Variants in CSRP3 observed in about 807,000 individuals in gnomAD.
CSRP3 encodes cysteine and glycine rich protein 3.
CSRP3 carries 24 observed loss-of-function variants against 24.3 expected under a neutral mutation model. The observed-to-expected ratio is 0.99, with a 90% confidence interval of 0.71 to 1.39. The LOEUF is 1.39. Among genes scored for constraint, CSRP3 ranks in the 40% most tolerant of loss-of-function variants. The pLI, the probability that CSRP3 is intolerant of heterozygous loss-of-function variation, is 0.00. For synonymous variants in CSRP3, 105 were observed against 94.0 expected (o/e 1.12, Z -0.68); for missense variants, 240 against 249.0 (o/e 0.96, Z 0.24).
At chr11:19,191,866 G>A (rs113958582) in intron 2 of CSRP3, among the ~76,000 whole-genome samples, 1 of 152,246 alleles carries the variant, frequency 6.6e-6, no homozygotes, top group African/African-American at 2.4e-5. Context: ...TACAGAGTTG[G>A]CATGTGTTGC....
chr11:19,186,222 A>T lies in CSRP3; in HGVS notation c.408T>A (p.Gly136=), dbSNP rs775072134. ...CTCATACAGAAGGTCTTACCTTGCC[A>T]CCTCCCATAACCTTCTCAGCAGCAT... ...SVYAAEKVMG[G]GKPWHKTCFR... is the part of the protein sequence containing the mutation. Residue 136 remains glycine (G), a synonymous_variant, in exon 4 of 6, where the codon GGT becomes GGA. Transcript: ENST00000265968. 1 of 1,613,986 alleles carries T rather than the reference A, an allele frequency of 6.2e-7. No individual in the cohort carries two copies. Among genetic ancestry groups the T allele is most frequent in the Non-Finnish European group, 8.5e-7 (1 of 1,179,992 alleles).
rs111717102 is a variant in CSRP3, at chr11:19,186,439, G to A, written c.282-91C>T. The A allele has an allele frequency of 1.8e-4, 258 of 1,461,632 alleles. No homozygotes were observed. In the Middle Eastern group the frequency reaches 2.3e-3, roughly 13 times the overall value. 90.5% of individuals were successfully genotyped at this position (1,461,632 alleles called of 1,614,324 possible). A position where few individuals can be genotyped will look rare whatever the true frequency, so the allele number is the denominator to read the frequency against. On this transcript the variant is annotated intron_variant, in intron 3 of 5. Coordinates refer to ENST00000265968, the MANE Select transcript of CSRP3 (RefSeq NM_003476.5). Reference sequence around the variant, plus strand: ...GCCTTGAGAAAGTGACCTCACTTCCGTGTGTCTCAGACTCCTCATCTGGAA... The same window carrying A: ...GCCTTGAGAAAGTGACCTCACTTCCATGTGTCTCAGACTCCTCATCTGGAA...
At chr11:19,192,818 A>G (rs1850638421) in intron 1 of CSRP3, among the ~76,000 whole-genome samples, 1 of 151,686 alleles carries the variant, frequency 6.6e-6, no homozygotes, top group African/African-American at 2.4e-5. Flanking sequence ...TTTTCATCTC[A>G]AGTTTAAAAA....
In CSRP3 at chr11:19,182,719, G is replaced by A. The variant is rs142019584; in HGVS notation, c.536C>T (p.Thr179Met). The A allele has an allele frequency of 2.3e-5, 37 of 1,614,090 alleles. No homozygotes were observed. Among genetic ancestry groups the A allele is most frequent in the African/African-American group, 1.3e-4 (10 of 75,016 alleles). Residue 179 changes from threonine to methionine, a missense_variant, in exon 6 of 6, where the codon ACG (threonine) becomes ATG (methionine). By Grantham distance (81) the Thr-to-Met change is moderately conservative (BLOSUM62 -1). Transcript: ENST00000265968. Reference sequence around the variant, plus strand: ...TGTAAGGCCTCCAAACCCAATACCCGTGGGGCCAAAATTTTTGGCATAGCA... The same window carrying A: ...TGTAAGGCCTCCAAACCCAATACCCATGGGGCCAAAATTTTTGGCATAGCA... The part of the protein sequence containing the change: ...KVCYAKNFGP[T>M]GIGFGGLTQQ...
Position 19,188,281 on chromosome 11 carries a change from T to G in CSRP3, c.136A>C (p.Ser46Arg), listed in dbSNP as rs137852765. The G allele has an allele frequency of 2.1e-5, 34 of 1,612,516 alleles. No homozygotes were observed. The highest frequency in any genetic ancestry group is 2.7e-5 in the Non-Finnish European group (32 of 1,180,040). The change falls in exon 3 of 6, where the codon AGC becomes CGC. Residue 46 changes from serine to arginine, a missense_variant. Ser to Arg is a moderately radical substitution (Grantham distance 110). Transcript: ENST00000265968. ...HCMACRKALD[S>R]TTVAAHESEI... ...GACTCATGAGCCGCGACTGTCGTGC[T>G]GTCAAGAGCCTTCCTGCAGGCCACT...
Position 19,188,175 on chromosome 11 carries a change from C to G in CSRP3, c.242G>C (p.Ser81Thr). Reference sequence around the variant, plus strand: ...GCCGAGATGCTCGCCCGTGTCTGTGCTGAGACAGCCAGCGCCTTGTCCATA... The same window carrying G: ...GCCGAGATGCTCGCCCGTGTCTGTGGTGAGACAGCCAGCGCCTTGTCCATA... ...IGYGQGAGCL[S>T]TDTGEHLGLQ... The change falls in exon 3 of 6, where the codon AGC becomes ACC. Residue 81 changes from serine to threonine, a missense_variant. By Grantham distance (58) the Ser-to-Thr change is moderately conservative. Coordinates refer to ENST00000265968, the MANE Select transcript of CSRP3 (RefSeq NM_003476.5). The G allele has an allele frequency of 6.2e-7, 1 of 1,614,114 alleles. No individual in the cohort carries two copies. The highest frequency in any genetic ancestry group is 8.5e-7 in the Non-Finnish European group (1 of 1,180,042).
intron 1 of CSRP3, among the ~76,000 whole-genome samples, chr11:19,201,402 A>G (rs1850838827): frequency 6.6e-6 from 1 of 152,248 alleles, no homozygotes; most frequent in South Asian, 2.1e-4. Flanking sequence ...TTCCAGGTAA[A>G]TTGAGCATGG....
intron 2 of CSRP3, among the ~76,000 whole-genome samples, chr11:19,190,395 C>T (rs575620289): frequency 1.9e-4 from 29 of 152,286 alleles, no homozygotes; most frequent in Non-Finnish European, 3.7e-4. Flanking sequence ...TCAGTACAAA[C>T]GCAAAAATCA....
intron 5 of CSRP3, among the ~76,000 whole-genome samples, chr11:19,183,082 C>T (rs565636449): frequency 9.2e-5 from 14 of 151,966 alleles, no homozygotes; most frequent in South Asian, 2.1e-4. Context: ...TGCTTGAGCC[C>T]GGGAGGCTGA....
At chr11:19,188,413 G>A (rs1850564804) in intron 2 of CSRP3, 109 bp from the exon 3 acceptor site, 1 of 1,091,548 alleles carries the variant, frequency 9.2e-7, no homozygotes, top group Non-Finnish European at 1.4e-6. Flanking sequence ...GGGCCCCTGA[G>A]CCAAGAATAC....
At chr11:19,198,904 A>G (rs1850788122) in intron 1 of CSRP3, among the ~76,000 whole-genome samples, 1 of 152,248 alleles carries the variant, frequency 6.6e-6, no homozygotes, top group Admixed American at 6.5e-5. Context: ...CTAAGACACC[A>G]TATAGAATTA....
chr11:19,195,082 G>C (rs1314354156), intron 1 of CSRP3, among the ~76,000 whole-genome samples: 6 of 151,984 alleles, frequency 3.9e-5, no homozygotes, highest in African/African-American at 1.4e-4. Context: ...GCAGTGAACT[G>C]TTGGAGGGTC....
At position 19,192,881 on chromosome 11, in the gene CSRP3, C is replaced by T. The variant is rs139735224; in HGVS notation, c.-28-405G>A. ...TGTGAAGATGGTATTTTCTTCTTGT[C>T]TAGCTAAGAGCTTCTCAAATCACCT... On this transcript the variant is annotated intron_variant, in intron 1 of 5. Transcript: ENST00000265968. Among the ~76,000 whole-genome samples, 939 of 152,024 alleles carry T rather than the reference C, an allele frequency of 6.2e-3. 5 individuals carry two copies. The highest frequency in any genetic ancestry group is 0.044 in the Middle Eastern group (13 of 294).
intron 2 of CSRP3, among the ~76,000 whole-genome samples, chr11:19,192,031 C>T (rs1025723454): frequency 1.3e-5 from 2 of 152,172 alleles, no homozygotes; most frequent in Non-Finnish European, 2.9e-5. Flanking sequence ...TTGTCAATGT[C>T]GCCATGGGGT....
rs1486426254 is a variant in CSRP3, at chr11:19,188,237, C to T, written c.180G>A (p.Val60=). The change falls in exon 3 of 6, where the codon GTG becomes GTA. Residue 60 remains valine (V), a synonymous_variant. Coordinates refer to ENST00000265968, the MANE Select transcript of CSRP3 (RefSeq NM_003476.5). ...TGGGGCCATATCTGCGCCCATAGCACACCTTGCAGTAGATCTCCGACTCAT... is the reference window on the plus strand; with the variant it reads ...TGGGGCCATATCTGCGCCCATAGCATACCTTGCAGTAGATCTCCGACTCAT... The part of the protein sequence containing the change: ...AAHESEIYCK[V]CYGRRYGPKG... The T allele has an allele frequency of 1.2e-6, 2 of 1,613,544 alleles. No individual in the cohort carries two copies. Among genetic ancestry groups the T allele is most frequent in the East Asian group, 2.2e-5 (1 of 44,882 alleles).
intron 1 of CSRP3, among the ~76,000 whole-genome samples, chr11:19,196,570 A>G (rs532010815): frequency 1.3e-5 from 2 of 152,312 alleles, no homozygotes; most frequent in African/African-American, 2.4e-5. Flanking sequence ...TTGTGTCCCA[A>G]CACTCCCCTA....
intron 3 of CSRP3, among the ~76,000 whole-genome samples, chr11:19,187,144 C>A (rs1046802215): frequency 6.6e-6 from 1 of 152,326 alleles, no homozygotes; most frequent in South Asian, 2.1e-4. Context: ...GAAAAGTGAA[C>A]TTCAGTCAAT....
chr11:19,195,103 T>C (rs74546378), intron 1 of CSRP3, among the ~76,000 whole-genome samples: 2 of 151,906 alleles, frequency 1.3e-5, no homozygotes, highest in East Asian at 3.9e-4. Flanking sequence ...ACAGAAGAGA[T>C]CACATTCAAA....
intron 1 of CSRP3, among the ~76,000 whole-genome samples, chr11:19,199,381 C>T (rs936771223): frequency 1.3e-5 from 2 of 152,312 alleles, no homozygotes; most frequent in Non-Finnish European, 2.9e-5. Flanking sequence ...CTCTCAGCCC[C>T]TTTTAAACTC....
Sources: allele counts gnomAD v4.1 joint callset (sites outside exome capture counted in the v4.1 genomes callset), GRCh38; gene constraint gnomAD v4.1.1; transcripts MANE v1.5; gene names NCBI Gene and HGNC (gene_info 2026-07-23, HGNC 2026-07-21).